CRIM1: variants seen among roughly 807,000 people sequenced by gnomAD.
The protein encoded by CRIM1 is cysteine rich transmembrane BMP regulator 1, also known as cysteine-rich motor neuron 1 protein.
A neutral mutation model predicts 116.4 loss-of-function variants in CRIM1; 32 were observed. The observed-to-expected ratio is 0.27, with a 90% CI of 0.21 to 0.37. CRIM1 has a LOEUF of 0.37. Among genes scored for constraint, CRIM1 ranks in the 10% least tolerant of loss-of-function variants. The pLI is 1.00. For missense variants in CRIM1, 1,331 were observed against 1,354.8 expected (o/e 0.98, Z 0.28); for synonymous variants, 590 against 509.2 (o/e 1.16, Z -2.13).
chr2:36,466,870 A>C (rs983211801), intron 5 of CRIM1, among the ~76,000 whole-genome samples: 4 of 152,218 alleles, frequency 2.6e-5, no homozygotes, highest in African/African-American at 9.7e-5. Context: ...TCTAGTAGAA[A>C]GATTTGCTGG....
intron 13 of CRIM1, among the ~76,000 whole-genome samples, chr2:36,537,033 T>A (rs904754190): frequency 6.6e-6 from 1 of 152,188 alleles, no homozygotes; most frequent in Non-Finnish European, 1.5e-5. Flanking sequence ...AATCCATCTC[T>A]GTAAATAAAC....
intron 5 of CRIM1, among the ~76,000 whole-genome samples, chr2:36,470,931 C>G (rs1269462380): frequency 6.6e-6 from 1 of 152,120 alleles, no homozygotes; most frequent in African/African-American, 2.4e-5. Context: ...GGGAAGGTGT[C>G]AGAATATTAA....
intron 2 of CRIM1, among the ~76,000 whole-genome samples, chr2:36,404,649 C>G (rs557839671): frequency 6.6e-6 from 1 of 152,298 alleles, no homozygotes; most frequent in Non-Finnish European, 1.5e-5. Context: ...TTCTAAATGA[C>G]CTAAATTGCA....
At chr2:36,452,795 C>T (rs1278664118) in intron 4 of CRIM1, among the ~76,000 whole-genome samples, 1 of 152,094 alleles carries the variant, frequency 6.6e-6, no homozygotes, top group Non-Finnish European at 1.5e-5. Flanking sequence ...CCAGTTTAAT[C>T]CGAGTGGTCA....
chr2:36,416,837 G>T (rs1339514365), intron 2 of CRIM1, among the ~76,000 whole-genome samples: 1 of 152,210 alleles, frequency 6.6e-6, no homozygotes, highest in Non-Finnish European at 1.5e-5. Flanking sequence ...CTGATTAATG[G>T]GAGAATCTGT....
In CRIM1 at chr2:36,479,588, A is replaced by G. The variant is rs1572835744; in HGVS notation, c.1266A>G (p.Thr422=). The G allele has an allele frequency of 1.2e-5, 20 of 1,614,206 alleles. No homozygotes were observed. The East Asian group carries it at 2.9e-4, about 23-fold the overall frequency. The change falls in exon 7 of 17, where the codon ACA becomes ACG. Residue 422 remains threonine, a synonymous_variant. Coordinates refer to ENST00000280527, the MANE Select transcript of CRIM1 (RefSeq NM_016441.3). ...ACCGGTGGCGGGAAGACGACTGCAC[A>G]TTCTGCCAGTGCGTCAACGGTGAAC... is the stretch of plus-strand genomic sequence containing the variant. ...HGDRWREDDC[T]FCQCVNGERH...
intron 7 of CRIM1, among the ~76,000 whole-genome samples, chr2:36,487,532 C>A (rs1679912230): frequency 1.4e-5 from 2 of 141,972 alleles, no homozygotes; most frequent in African/African-American, 2.7e-5. Context: ...AGGAAATAGC[C>A]AAAGTCATTT....
chr2:36,428,187 A>G (rs1034413250), intron 2 of CRIM1, among the ~76,000 whole-genome samples: 5 of 152,224 alleles, frequency 3.3e-5, no homozygotes, highest in African/African-American at 1.2e-4. Flanking sequence ...TTTTGATGGA[A>G]GCAGTGCAGG....
chr2:36,369,297 C>T (rs967950934), intron 1 of CRIM1: 2 of 152,160 alleles, frequency 1.3e-5, no homozygotes, highest in African/African-American at 4.8e-5. Flanking sequence ...GTGGTTTGGC[C>T]CTCCTCCTCT....
At chr2:36,395,513 T>G (rs548524672) in intron 1 of CRIM1, among the ~76,000 whole-genome samples, 1 of 152,320 alleles carries the variant, frequency 6.6e-6, no homozygotes, top group South Asian at 2.1e-4. Flanking sequence ...GGCCCAAGGA[T>G]TCACAGAGAG....
At chr2:36,438,672 G>A (rs1038761597) in intron 2 of CRIM1, among the ~76,000 whole-genome samples, 8 of 152,150 alleles carry the variant, frequency 5.3e-5, no homozygotes, top group Non-Finnish European at 1.0e-4. Flanking sequence ...CTGGTAAGAG[G>A]GAGCAGGGAT....
intron 4 of CRIM1, among the ~76,000 whole-genome samples, chr2:36,450,321 C>T (rs537484103): frequency 2.0e-5 from 3 of 152,250 alleles, no homozygotes; most frequent in East Asian, 1.9e-4. Flanking sequence ...TTGTTTCTCC[C>T]CTTCTGTTGC....
rs1029366383 is a variant in CRIM1 at position 36,356,529 on chromosome 2, G to T, written c.237G>T (p.Gly79=). The change falls in exon 1 of 17, where the codon GGG becomes GGT. Residue 79 remains glycine, a synonymous_variant. Transcript: ENST00000280527. This position sits in a 1 kb window ranked among gnomAD's most constrained non-coding sequence, Gnocchi z 4.3. ...QRNESCGGTF[G]IYGTCDRGLR... is the part of the protein sequence containing the mutation. ...ACGAGAGCTGCGGCGGCACCTTCGG[G>T]ATTTACGGAACCTGCGACCGGGGGC... 1.2e-6 allele frequency: 2 copies of T among 1,612,992 alleles called. No homozygotes were observed. The highest frequency in any genetic ancestry group is 1.7e-5 in the Admixed American group (1 of 60,016).
intron 8 of CRIM1, among the ~76,000 whole-genome samples, chr2:36,500,021 C>A (rs1235944010): frequency 6.6e-6 from 1 of 152,128 alleles, no homozygotes; most frequent in Non-Finnish European, 1.5e-5. Context: ...TAAAATATGG[C>A]CCACAATCAA....
At chr2:36,394,303 T>C (rs1286275905) in intron 1 of CRIM1, among the ~76,000 whole-genome samples, 1 of 152,234 alleles carries the variant, frequency 6.6e-6, no homozygotes, top group Non-Finnish European at 1.5e-5. Flanking sequence ...CTTTCAGTTA[T>C]AAATTTGCAT....
intron 1 of CRIM1, among the ~76,000 whole-genome samples, chr2:36,387,054 T>G (rs6544009): frequency 0.32 from 48,093 of 152,018 alleles, 9,233 homozygotes; most frequent in East Asian, 0.59. Flanking sequence ...CCATGCCGGG[T>G]ACTCAAATGA....
chr2:36,507,063 T>TGAGAC (rs1681483876), intron 8 of CRIM1, among the ~76,000 whole-genome samples: 1 of 152,128 alleles, frequency 6.6e-6, no homozygotes, highest in Admixed American at 6.5e-5. Context: ...TCTCACTATG[T>TGAGAC]TGCACAGGCT....
chr2:36,460,206 C>CT (rs148542839), intron 4 of CRIM1, among the ~76,000 whole-genome samples: 4,205 of 152,256 alleles, frequency 0.028, 80 homozygotes, highest in South Asian at 0.043. Context: ...TATATTAACT[C>CT]TAAGGATTAC....
chr2:36,394,980 A>T (rs906032541), intron 1 of CRIM1, among the ~76,000 whole-genome samples: 1 of 149,866 alleles, frequency 6.7e-6, no homozygotes, highest in African/African-American at 2.5e-5. Flanking sequence ...AGCTTACCCT[A>T]TAAAAATAAG....
Sources: gnomAD v4.1 joint callset for allele counts (sites outside exome capture counted in the v4.1 genomes callset) on GRCh38, gnomAD v4.1.1 for gene constraint, Gnocchi (gnomAD v3.1) non-coding constraint, MANE v1.5 for transcripts, NCBI Gene and HGNC (gene_info 2026-07-23, HGNC 2026-07-21) for gene names.